NBPF26: variants seen among roughly 807,000 people sequenced by gnomAD.
The protein encoded by NBPF26 is NBPF family member NBPF26.
In NBPF26, 79 loss-of-function variants were observed where a neutral mutation model predicts 119.6. The ratio of observed to expected loss-of-function variants is 0.66; its 90% CI spans 0.55 to 0.80. NBPF26 has a LOEUF of 0.80. Among genes scored for constraint, NBPF26 ranks in the 30% least tolerant of loss-of-function variants. The pLI is 0.00. For missense variants in NBPF26, 800 were observed against 1,198.2 expected (o/e 0.67, Z 4.91); for synonymous variants, 299 against 457.7 (o/e 0.65, Z 4.43).
chr1:120,838,564 T>C (rs1652452039), intron 27 of NBPF26, among the ~76,000 whole-genome samples, 181 bp from the exon 34 acceptor site: 1 of 72,462 alleles, frequency 1.4e-5, no homozygotes. Context: ...GTCTTTCTCT[T>C]TCATTCTTTT....
At position 120,811,961 on chromosome 1, in the gene NBPF26, C is replaced by A. The variant is rs1417808411; in HGVS notation, c.1640C>A (p.Ala547Glu). 4.3e-4 allele frequency: 528 copies of A among 1,235,594 alleles called. 169 individuals are homozygous for A. The African/African-American group carries it at 7.6e-3, about 18-fold the overall frequency. 76.5% of individuals were successfully genotyped at this position (1,235,594 alleles called of 1,614,324 possible). A position where few individuals can be genotyped will look rare whatever the true frequency, so the allele number is the denominator to read the frequency against. ...GGCCCTTTGTCCGGCGAGAAGGCAG[C>A]GATAAACATTCTAGAAATCAATGAG... Residue 547 changes from alanine (A) to glutamate (E), a missense_variant, in exon 10 of 30, where the codon GCG (alanine) becomes GAG (glutamate). Ala to Glu is a moderately radical substitution (Grantham distance 107, BLOSUM62 -1). Around this residue, in one of 13 missense-constraint regions of NBPF26, gnomAD observed 72 missense variants for 81.1 expected, o/e 0.89. Transcript: ENST00000620612.
chr1:120,752,680 C>A (rs1439592658), intron 1 of NBPF26, among the ~76,000 whole-genome samples: 584 of 48,122 alleles, frequency 0.012, 97 homozygotes, highest in Non-Finnish European at 0.012. Context: ...ATGCCATTCT[C>A]CTGCCTCAGA....
rs1651663511 is a variant in NBPF26 at position 120,805,632 on chromosome 1, G to T, written c.828G>T (p.Glu276Asp). 10 of 1,462,754 alleles carry T rather than the reference G, an allele frequency of 6.8e-6. 1 individual carries two copies. Among genetic ancestry groups the T allele is most frequent in the Non-Finnish European group, 9.2e-6 (10 of 1,081,662 alleles). The allele number at this position is 1,462,754 out of a possible 1,614,324, so 90.6% of individuals were successfully genotyped here. Residue 276 changes from glutamate (E) to aspartate (D), a missense_variant, in exon 5 of 30, where the codon GAG (glutamate) becomes GAT (aspartate). Physicochemically the swap from Glu to Asp is conservative, Grantham distance 45. This residue lies in a region of NBPF26 where 155 missense variants were observed against 143.7 expected (regional missense o/e 1.08). Coordinates refer to ENST00000620612, the Ensembl canonical transcript of NBPF26. ...GCCATTGGTCCAGTGAGAAGGCAGA[G>T]ATGAACATTCTAGAAATCAACGAGA... is the stretch of plus-strand genomic sequence containing the variant.
intron 8 of NBPF26, 83 bp from the exon 9 acceptor site, chr1:120,810,264 C>A: frequency 6.9e-7 from 1 of 1,443,168 alleles, no homozygotes; most frequent in Non-Finnish European, 9.4e-7. Flanking sequence ...TTAATGCCGC[C>A]TGTCAAAACC....
chr1:120,808,419 CAA>C, intron 6 of NBPF26, 124 bp from the exon 7 acceptor site: 1 of 838,682 alleles, frequency 1.2e-6, no homozygotes, highest in African/African-American at 3.3e-5. Context: ...ACATTCCTTT[CAA>C]CGTGTGCTGA....
At chr1:120,813,908 G>C in exon 11 of NBPF26, 2 of 1,502,934 alleles carry the variant, frequency 1.3e-6, no homozygotes, top group Middle Eastern at 2.2e-4. Context: ...AGAGTGCAAA[G>C]ATCTCATAAA....
chr1:120,812,121 G>C lies in NBPF26; in HGVS notation c.1774+26G>C, dbSNP rs1553271099. On this transcript the variant is annotated intron_variant, in intron 10 of 29. Transcript: ENST00000620612. ...GTAAGATCTATTGGCTCACCATCACGAAAGTGATGAACGAGGTCCTGTCTT... is the reference window on the plus strand; with the variant it reads ...GTAAGATCTATTGGCTCACCATCACCAAAGTGATGAACGAGGTCCTGTCTT... The C allele has an allele frequency of 5.4e-6, 6 of 1,109,862 alleles. 1 individual carries two copies. The highest frequency in any genetic ancestry group is 5.4e-4 in the Middle Eastern group (2 of 3,674). 68.8% of individuals were successfully genotyped at this position (1,109,862 alleles called of 1,614,324 possible).
rs1432644883 is a variant in NBPF26, at chr1:120,790,740, C to A, written c.416-2421C>A. Reference sequence around the variant, plus strand: ...TCAGCCTCCCAGGTAGCTGGGATTACAGGTATGCGCTATGAAGCCCGGCTA... The same window carrying A: ...TCAGCCTCCCAGGTAGCTGGGATTAAAGGTATGCGCTATGAAGCCCGGCTA... On this transcript the variant is annotated intron_variant, in intron 3 of 29. Transcript: ENST00000620612. Among the ~76,000 whole-genome samples, 22 of 111,114 alleles carry A rather than the reference C, an allele frequency of 2.0e-4. 3 individuals carry two copies. The South Asian group carries it at 5.8e-3, about 29-fold the overall frequency. The allele number at this position is 111,114 out of a possible 152,430, so 72.9% of individuals were successfully genotyped here.
chr1:120,840,323 C>T lies in NBPF26; in HGVS notation c.4104-27C>T, dbSNP rs1553273390. ...TGTGGTGTCCGATTTTCCCTGGCTG[C>T]TTCTTTAGTTTTGTCTCCTTTTGCA... On this transcript the variant is annotated intron_variant, in intron 29 of 29. Coordinates refer to ENST00000620612, the Ensembl canonical transcript of NBPF26. The T allele has an allele frequency of 2.1e-5, 31 of 1,444,228 alleles. 8 individuals carry two copies. Among genetic ancestry groups the T allele is most frequent in the Non-Finnish European group, 2.9e-5 (31 of 1,082,618 alleles). The allele number at this position is 1,444,228 out of a possible 1,614,324, so 89.5% of individuals were successfully genotyped here. A position where few individuals can be genotyped will look rare whatever the true frequency, so the allele number is the denominator to read the frequency against.
intron 10 of NBPF26, among the ~76,000 whole-genome samples, chr1:120,812,954 T>TA (rs1651908236): frequency 9.8e-6 from 1 of 102,284 alleles, no homozygotes; most frequent in Non-Finnish European, 1.9e-5. Context: ...ATAATAATAA[T>TA]AATAAATAAA....
At position 120,805,671 on chromosome 1, in the gene NBPF26, G is replaced by C; in HGVS notation, c.867G>C (p.Gln289His). Residue 289 changes from glutamine to histidine, a missense_variant, in exon 5 of 30, where the codon CAG becomes CAC. Around this residue, in one of 13 missense-constraint regions of NBPF26, gnomAD observed 155 missense variants for 143.7 expected, o/e 1.08. Transcript: ENST00000620612. ...AAATCAACGAGACATTGCGCCCCCA[G>C]CTGCCAGAGAACAAACAGCAGTTGA... is the stretch of plus-strand genomic sequence containing the variant. The C allele has an allele frequency of 1.4e-6, 2 of 1,458,520 alleles. 1 individual carries two copies. Among genetic ancestry groups the C allele is most frequent in the Non-Finnish European group, 1.9e-6 (2 of 1,079,562 alleles). 90.3% of individuals were successfully genotyped at this position (1,458,520 alleles called of 1,614,324 possible).
In NBPF26 at chr1:120,784,762, T is replaced by C. The variant is rs1292198339; in HGVS notation, c.156-212T>C. Among the ~76,000 whole-genome samples, 2 of 118,498 alleles carry C rather than the reference T, an allele frequency of 1.7e-5. 1 individual carries two copies. Among genetic ancestry groups the C allele is most frequent in the Non-Finnish European group, 3.3e-5 (2 of 61,522 alleles). 77.7% of individuals were successfully genotyped at this position (118,498 alleles called of 152,430 possible). ...AATGTAAACTCCAAGAGTGTAAGAA[T>C]TTTTCTGCCAGGACTCAAAAGGACA... On this transcript the variant is annotated intron_variant, in intron 2 of 29. Coordinates refer to ENST00000620612, the Ensembl canonical transcript of NBPF26.
intron 2 of NBPF26, among the ~76,000 whole-genome samples, chr1:120,765,766 G>A (rs1190011334): frequency 7.9e-6 from 1 of 126,684 alleles, no homozygotes; most frequent in East Asian, 2.0e-4. Context: ...TAAAGAAAAT[G>A]TGGCATGTAT....
Position 120,745,244 on chromosome 1 carries a change from G to T in NBPF26, c.74-18384G>T, listed in dbSNP as rs1267055228. Among the ~76,000 whole-genome samples the T allele has an allele frequency of 3.7e-5, 4 of 108,358 alleles. 1 individual carries two copies. Among genetic ancestry groups the T allele is most frequent in the Non-Finnish European group, 7.0e-5 (4 of 57,516 alleles). 71.1% of individuals were successfully genotyped at this position (108,358 alleles called of 152,430 possible). ...TAAACTGCAGATCATGACCACGAAT[G>T]GGTCATGAAACCAATTTGGTAGGTC... On this transcript the variant is annotated intron_variant, in intron 1 of 29. Transcript: ENST00000620612.
chr1:120,811,813 C>A lies in NBPF26; in HGVS notation c.1565-73C>A, dbSNP rs1553271017. ...AGTAAACAAGGCTACCAGTGACATCCCTCAGTCCTGATTAAGCCTATTTGA... is the reference window on the plus strand; with the variant it reads ...AGTAAACAAGGCTACCAGTGACATCACTCAGTCCTGATTAAGCCTATTTGA... On this transcript the variant is annotated intron_variant, in intron 9 of 29. Transcript: ENST00000620612. The A allele has an allele frequency of 1.4e-4, 96 of 697,374 alleles. 20 individuals are homozygous for A. The highest frequency in any genetic ancestry group is 5.2e-4 in the Admixed American group (25 of 48,418). The allele number at this position is 697,374 out of a possible 1,614,324, so 43.2% of individuals were successfully genotyped here. A position where few individuals can be genotyped will look rare whatever the true frequency, so the allele number is the denominator to read the frequency against.
chr1:120,766,282 G>A lies in NBPF26; in HGVS notation c.155+2573G>A, dbSNP rs1651193684. Among the ~76,000 whole-genome samples, 2 of 16,254 alleles carry A rather than the reference G, an allele frequency of 1.2e-4. 1 individual carries two copies. The highest frequency in any genetic ancestry group is 2.0e-4 in the Non-Finnish European group (2 of 9,764). The allele number at this position is 16,254 out of a possible 152,430, so 10.7% of individuals were successfully genotyped here. On this transcript the variant is annotated intron_variant, in intron 2 of 29. Coordinates refer to ENST00000620612, the Ensembl canonical transcript of NBPF26. ...AATTTCAAATATGTTCTAAGTGTTCGCCTATATATTTTTGGTCTGACATGG... is the reference window on the plus strand; with the variant it reads ...AATTTCAAATATGTTCTAAGTGTTCACCTATATATTTTTGGTCTGACATGG...
At chr1:120,767,084 C>CT (rs1651202925) in intron 2 of NBPF26, among the ~76,000 whole-genome samples, 1 of 84,108 alleles carries the variant, frequency 1.2e-5, no homozygotes, top group South Asian at 3.7e-4. Context: ...CCAACCTTAC[C>CT]TTTTTTTCTG....
At chr1:120,812,256 G>C (rs1553271132) in intron 10 of NBPF26, among the ~76,000 whole-genome samples, 161 bp downstream of exon 10, 11,817 of 58,036 alleles carry the variant, frequency 0.2, 85 homozygotes, top group African/African-American at 0.25. Flanking sequence ...GGAAGACAGA[G>C]GTACCAAAGT....
Position 120,814,647 on chromosome 1 carries a change from C to T in NBPF26, c.1878-182C>T, listed in dbSNP as rs1651964631. Among the ~76,000 whole-genome samples, 2 of 123,544 alleles carry T rather than the reference C, an allele frequency of 1.6e-5. 1 individual carries two copies. The allele number at this position is 123,544 out of a possible 152,430, so 81.0% of individuals were successfully genotyped here. A position where few individuals can be genotyped will look rare whatever the true frequency, so the allele number is the denominator to read the frequency against. On this transcript the variant is annotated intron_variant, in intron 11 of 29. Transcript: ENST00000620612. The stretch of plus-strand genomic sequence containing the variant: ...GATCTTGCAAGAGCCCTCTCTGATT[C>T]AGAGGAAGCCTGTAAACCATTTTCT...
Sources: gnomAD v4.1 joint callset for allele counts (sites outside exome capture counted in the v4.1 genomes callset) on GRCh38, gnomAD v4.1.1 for gene constraint, gnomAD v4.1.1 regional missense constraint, MANE v1.5 for transcripts, NCBI Gene and HGNC (gene_info 2026-07-23, HGNC 2026-07-21) for gene names.